Variants in CTCFL observed in about 807,000 individuals in gnomAD.
The protein encoded by CTCFL is CCCTC-binding factor like.
CTCFL carries 36 observed loss-of-function variants against 67.4 expected under a neutral mutation model. The observed-to-expected ratio is 0.53, with a 90% CI of 0.41 to 0.71. The LOEUF (loss-of-function observed/expected upper bound fraction) is 0.71. Among genes scored for constraint, CTCFL ranks in the 30% least tolerant of loss-of-function variants. The pLI, the probability that CTCFL is intolerant of heterozygous loss-of-function variation, is 0.00. For missense variants in CTCFL, 786 were observed against 835.2 expected, an observed-to-expected ratio of 0.94 and a Z score of 0.73; for synonymous variants, 324 against 302.3, an observed-to-expected ratio of 1.07 and a Z score of -0.75.
chr20:57,503,379 T>C (rs962696299), intron 10 of CTCFL, 57 bp downstream of exon 10: 1 of 1,598,018 alleles, frequency 6.3e-7, no homozygotes, highest in Non-Finnish European at 8.6e-7. Flanking sequence ...GCACCCAGGA[T>C]AGTCACAACC....
rs2068441721 is a variant in CTCFL, at chr20:57,509,868, C to T, written c.1492-1080G>A. Among the ~76,000 whole-genome samples, 5 of 152,246 alleles carry T rather than the reference C, an allele frequency of 3.3e-5. No individual in the cohort carries two copies. In the South Asian group the frequency reaches 1.0e-3, roughly 32 times the overall value. The stretch of plus-strand genomic sequence containing the variant: ...GCCTGACTCTCCAGGACCGCGGCAG[C>T]CAGGAGCACCCAGCAGTGCTCCAAG... On this transcript the variant is annotated intron_variant, in intron 8 of 10. Transcript: ENST00000243914.
chr20:57,496,361 G>A (rs992609547), downstream of CTCFL: 32 of 615,106 alleles, frequency 5.2e-5, no homozygotes, highest in Non-Finnish European at 7.7e-5. Flanking sequence ...TACAGCCTGC[G>A]GAACTATGAG....
chr20:57,517,826 G>A (rs771150667), intron 5 of CTCFL, among the ~76,000 whole-genome samples: 4 of 152,234 alleles, frequency 2.6e-5, no homozygotes, highest in Non-Finnish European at 5.9e-5. Flanking sequence ...CTAAGCACCG[G>A]CAGGACACCA....
chr20:57,510,966 T>C (rs4485614), intron 8 of CTCFL, among the ~76,000 whole-genome samples: 45,199 of 152,170 alleles, frequency 0.3, 7,358 homozygotes, highest in East Asian at 0.4. Flanking sequence ...AGACATGTAG[T>C]TTGAAAAGAG....
In CTCFL at chr20:57,514,635, C is replaced by T. The variant is rs746705701; in HGVS notation, c.1287G>A (p.Gln429=). Residue 429 remains glutamine (Q), a synonymous_variant, in exon 7 of 11, where the codon CAG becomes CAA. Transcript: ENST00000243914. ...QKHGENVPKY[Q]CPHCATIIAR... is the part of the protein sequence containing the mutation. ...CAATGATGGTGGCACAATGGGGACACTGGTATTTGGGGACATTTTCGCCGT... is the reference window on the plus strand; with the variant it reads ...CAATGATGGTGGCACAATGGGGACATTGGTATTTGGGGACATTTTCGCCGT... The T allele has an allele frequency of 1.3e-5, 21 of 1,614,086 alleles. No homozygotes were observed. In the South Asian group the frequency reaches 2.0e-4, roughly 15 times the overall value.
At chr20:57,499,879 C>A in intron 10 of CTCFL, 1 of 791,718 alleles carries the variant, frequency 1.3e-6, no homozygotes, top group Non-Finnish European at 1.5e-6. Context: ...CAATACAAAG[C>A]TTCACTCCCT....
At chr20:57,518,956 T>G (rs1182824280) in intron 4 of CTCFL, 65 bp from the exon 5 acceptor site, 3 of 1,524,932 alleles carry the variant, frequency 2.0e-6, no homozygotes. Flanking sequence ...AAGGAATTCA[T>G]AGCTTTTTAA....
At chr20:57,524,798 T>G in intron 1 of CTCFL, 1 of 980,860 alleles carries the variant, frequency 1.0e-6, no homozygotes, top group Non-Finnish European at 1.2e-6. Context: ...CCACCCAGAC[T>G]TGGCCAAGCA....
chr20:57,524,498 G>A (rs1454407571), intron 1 of CTCFL: 2 of 1,209,344 alleles, frequency 1.7e-6, no homozygotes, highest in East Asian at 4.5e-5. Context: ...CCTGCGCCTG[G>A]CAAGGTTCCG....
Position 57,521,257 on chromosome 20 carries a change from A to C in CTCFL, c.754+1811T>G, listed in dbSNP as rs182020242. Among the ~76,000 whole-genome samples, 251 of 152,326 alleles carry C rather than the reference A, an allele frequency of 1.6e-3. 2 individuals carry two copies. The highest frequency in any genetic ancestry group is 5.7e-3 in the African/African-American group (237 of 41,568). ...AGTTAAAAATGGGCCAAAGATTTGA[A>C]TAGCCATTTTTTCCAAAGAAGATAC... On this transcript the variant is annotated intron_variant, in intron 3 of 10. Transcript: ENST00000243914.
intron 5 of CTCFL, among the ~76,000 whole-genome samples, chr20:57,517,451 T>C (rs2069011000): frequency 6.6e-6 from 1 of 152,078 alleles, no homozygotes; most frequent in African/African-American, 2.4e-5. Flanking sequence ...TAATTTTTTG[T>C]ATTTTTAGTA....
chr20:57,504,356 T>C (rs1412155187), intron 9 of CTCFL, among the ~76,000 whole-genome samples: 1 of 150,844 alleles, frequency 6.6e-6, no homozygotes, highest in Non-Finnish European at 1.5e-5. Context: ...GTCAGCTCAC[T>C]GCAACCTCTA....
chr20:57,515,525 A>G (rs1402681114), intron 6 of CTCFL, 189 bp downstream of exon 6: 2 of 639,462 alleles, frequency 3.1e-6, no homozygotes, highest in Non-Finnish European at 5.3e-6. Context: ...GTTGTGGCAC[A>G]GTATCTATGC....
chr20:57,499,957 T>G lies in CTCFL; in HGVS notation c.1841-1256A>C, dbSNP rs73915846. ...GCCCACAGGTCCACGGCTGGGGGGT[T>G]GGGGAGCCCTGCTCTACTCATTTTC... On this transcript the variant is annotated intron_variant, in intron 10 of 10. Coordinates refer to ENST00000243914, the MANE Select transcript of CTCFL (RefSeq NM_001386993.1). 7,187 of 986,410 alleles carry G rather than the reference T, an allele frequency of 7.3e-3. 391 individuals are homozygous for G. The African/African-American group carries it at 0.11, about 16-fold the overall frequency. 61.1% of individuals were successfully genotyped at this position (986,410 alleles called of 1,614,324 possible). A position where few individuals can be genotyped will look rare whatever the true frequency, so the allele number is the denominator to read the frequency against.
At chr20:57,523,375 G>A (rs1568885753) in intron 2 of CTCFL, 97 bp from the exon 3 acceptor site, 1 of 1,225,442 alleles carries the variant, frequency 8.2e-7, no homozygotes, top group Non-Finnish European at 1.1e-6. Context: ...AAAAGCCAAA[G>A]TGGAAGATTA....
intron 9 of CTCFL, among the ~76,000 whole-genome samples, chr20:57,504,478 ACCAT>A (rs1441122996): frequency 3.1e-4 from 47 of 150,926 alleles, no homozygotes; most frequent in African/African-American, 1.0e-3. Context: ...ACAGTGTTCC[ACCAT>A]GCTGGCCAGG....
intron 7 of CTCFL, chr20:57,513,257 T>C (rs1287192619): frequency 1.0e-6 from 1 of 985,664 alleles, no homozygotes; most frequent in Admixed American, 6.1e-5. Flanking sequence ...CACTCGTTGT[T>C]AGAAGTCAGT....
In CTCFL at chr20:57,519,038, G is replaced by A. The variant is rs1455929412; in HGVS notation, c.926-147C>T. On this transcript the variant is annotated intron_variant, in intron 4 of 10. Transcript: ENST00000243914. The stretch of plus-strand genomic sequence containing the variant: ...TAAACTATAAATACCACAGATGCAT[G>A]TGAGAAAAATCTTTGTAACAGTATT... The A allele has an allele frequency of 5.0e-6, 6 of 1,192,466 alleles. No individual in the cohort carries two copies. In the East Asian group the frequency reaches 7.4e-5, roughly 15 times the overall value. The allele number at this position is 1,192,466 out of a possible 1,614,324, so 73.9% of individuals were successfully genotyped here. A position where few individuals can be genotyped will look rare whatever the true frequency, so the allele number is the denominator to read the frequency against.
intron 7 of CTCFL, among the ~76,000 whole-genome samples, chr20:57,514,090 G>A (rs1053062295): frequency 6.6e-6 from 1 of 152,126 alleles, no homozygotes; most frequent in African/African-American, 2.4e-5. Context: ...CTCCTTTCCC[G>A]AAGTGACTGT....
Sources: gnomAD v4.1 joint callset for allele counts (sites outside exome capture counted in the v4.1 genomes callset) on GRCh38, gnomAD v4.1.1 for gene constraint, MANE v1.5 for transcripts, NCBI Gene and HGNC (gene_info 2026-07-23, HGNC 2026-07-21) for gene names.